KANK4: variants seen among roughly 807,000 people sequenced by gnomAD.
The protein encoded by KANK4 is KN motif and ankyrin repeat domains 4.
In KANK4, 50 loss-of-function variants were observed where a neutral mutation model predicts 80.8. The observed-to-expected ratio is 0.62, with a 90% CI of 0.49 to 0.78. The LOEUF is 0.78. Ranked by LOEUF, KANK4 falls within the 30% of genes least tolerant of loss-of-function variation. KANK4 has a pLI of 0.00. For synonymous variants in KANK4, 465 were observed against 506.9 expected (o/e 0.92, Z 1.11); for missense variants, 1,196 against 1,240.1 (o/e 0.96, Z 0.53).
chr1:62,300,277 C>A (rs1644401063), intron 1 of KANK4, among the ~76,000 whole-genome samples: 2 of 152,134 alleles, frequency 1.3e-5, no homozygotes, highest in Non-Finnish European at 2.9e-5. Context: ...CTTTTCTGTT[C>A]AAAGACCAGC....
rs565401467 is a variant in KANK4 at position 62,282,300 on chromosome 1, C to G, written c.-70-666G>C. Reference sequence around the variant, plus strand: ...TTGAGGTTTGACCATAAATTCTCCCCAAAGTTTTAATCCATTTCCAGGACT... The same window carrying G: ...TTGAGGTTTGACCATAAATTCTCCCGAAAGTTTTAATCCATTTCCAGGACT... On this transcript the variant is annotated intron_variant, in intron 1 of 9. Transcript: ENST00000371153. 2.8e-4 allele frequency among the ~76,000 whole-genome samples: 42 copies of G among 152,270 alleles called. No individual in the cohort carries two copies. The South Asian group carries it at 8.5e-3, about 31-fold the overall frequency.
At chr1:62,312,130 A>C (rs1333765319) in intron 1 of KANK4, among the ~76,000 whole-genome samples, 1 of 152,182 alleles carries the variant, frequency 6.6e-6, no homozygotes, top group East Asian at 1.9e-4. Flanking sequence ...AAATATAATT[A>C]ATAAAATTTT....
At position 62,252,387 on chromosome 1, in the gene KANK4, A is replaced by C. The variant is rs139787022; in HGVS notation, c.2682+680T>G. On this transcript the variant is annotated intron_variant, in intron 8 of 9. Coordinates refer to ENST00000371153, the MANE Select transcript of KANK4 (RefSeq NM_181712.5). Reference sequence around the variant, plus strand: ...GTGTGTCTGGAATAATACCACTCACAATTGTTGGTGCAGAGGTAAGGCAGA... The same window carrying C: ...GTGTGTCTGGAATAATACCACTCACCATTGTTGGTGCAGAGGTAAGGCAGA... Among the ~76,000 whole-genome samples, 1,084 of 152,346 alleles carry C rather than the reference A, an allele frequency of 7.1e-3. 6 individuals carry two copies. Among genetic ancestry groups the C allele is most frequent in the Non-Finnish European group, 0.011 (758 of 68,032 alleles).
intron 6 of KANK4, among the ~76,000 whole-genome samples, chr1:62,265,760 A>G (rs1672003083): frequency 6.6e-6 from 1 of 152,216 alleles, no homozygotes; most frequent in Non-Finnish European, 1.5e-5. Context: ...GTCTGTGCCA[A>G]TATCCCTTGA....
chr1:62,301,192 C>G (rs1644408971), intron 1 of KANK4, among the ~76,000 whole-genome samples: 1 of 152,078 alleles, frequency 6.6e-6, no homozygotes, highest in Non-Finnish European at 1.5e-5. Flanking sequence ...AGCACAAGAG[C>G]TGGACAGGCT....
intron 1 of KANK4, among the ~76,000 whole-genome samples, chr1:62,304,024 C>T (rs1210756138): frequency 6.6e-6 from 1 of 151,984 alleles, no homozygotes; most frequent in Non-Finnish European, 1.5e-5. Context: ...CAGGCACACA[C>T]CACCATGCCT....
At chr1:62,263,944 A>G (rs1032220354) in intron 6 of KANK4, among the ~76,000 whole-genome samples, 4 of 152,216 alleles carry the variant, frequency 2.6e-5, no homozygotes, top group Admixed American at 6.5e-5. Context: ...GGGACCATGA[A>G]CGAGAAGAGT....
rs1672032542 is a variant in KANK4 at position 62,266,775 on chromosome 1, C to T, written c.2276G>A (p.Ser759Asn). 1 of 1,613,242 alleles carries T rather than the reference C, an allele frequency of 6.2e-7. No individual in the cohort carries two copies. The highest frequency in any genetic ancestry group is 1.7e-5 in the Admixed American group (1 of 59,996). Residue 759 changes from serine to asparagine, a missense_variant, in exon 6 of 10, where the codon AGC becomes AAC. Transcript: ENST00000371153. Reference protein sequence around the residue: ...EEFLNACRALSQHLPETGTTT... With the variant: ...EEFLNACRALNQHLPETGTTT... ...GGTCCCAGTTTCTGGCAGATGCTGG[C>T]TCAGTGCCCGGCATGCATTAAGAAA...
At chr1:62,264,685 G>A (rs1671977573) in intron 6 of KANK4, among the ~76,000 whole-genome samples, 1 of 152,174 alleles carries the variant, frequency 6.6e-6, no homozygotes, top group Non-Finnish European at 1.5e-5. Flanking sequence ...TTCTAGAGCA[G>A]AATCAGTGGA....
At chr1:62,253,503 A>T (rs535293355) in intron 7 of KANK4, among the ~76,000 whole-genome samples, 49 of 134,786 alleles carry the variant, frequency 3.6e-4, no homozygotes, top group African/African-American at 1.2e-3. Flanking sequence ...TCCACCTCCC[A>T]GGTTCAAGCA....
intron 9 of KANK4, among the ~76,000 whole-genome samples, chr1:62,239,127 C>T (rs1397402600): frequency 6.6e-6 from 1 of 151,716 alleles, no homozygotes; most frequent in African/African-American, 2.4e-5. Flanking sequence ...GTCTTGAACT[C>T]CTGGGCTCAA....
At chr1:62,288,178 C>A (rs1672609571) in intron 1 of KANK4, among the ~76,000 whole-genome samples, 1 of 152,166 alleles carries the variant, frequency 6.6e-6, no homozygotes, top group Non-Finnish European at 1.5e-5. Context: ...CTGAACCAAA[C>A]ATGTTTATCC....
At position 62,247,476 on chromosome 1, in the gene KANK4, T is replaced by C. The variant is rs1470436113; in HGVS notation, c.2879A>G (p.Asp960Gly). 1.2e-6 allele frequency: 2 copies of C among 1,613,824 alleles called. No homozygotes were observed. Among genetic ancestry groups the C allele is most frequent in the Admixed American group, 3.3e-5 (2 of 60,012 alleles). ...AHPACDSSLTDKAGRTALSIA... is the reference protein window; with the variant it reads ...AHPACDSSLTGKAGRTALSIA... ...TTAATTGCCTGTAAGTCTCACCTTGTCAGTCAGGCTGCTGTCGCAGGCTGG... is the reference window on the plus strand; with the variant it reads ...TTAATTGCCTGTAAGTCTCACCTTGCCAGTCAGGCTGCTGTCGCAGGCTGG... Residue 960 changes from aspartate (D) to glycine (G), a missense_variant, in exon 9 of 10, where the codon GAC becomes GGC. Physicochemically the swap from Asp to Gly is moderately conservative, Grantham distance 94. Coordinates refer to ENST00000371153, the MANE Select transcript of KANK4 (RefSeq NM_181712.5).
At chr1:62,254,274 TC>T (rs1186135715) in intron 7 of KANK4, among the ~76,000 whole-genome samples, 1 of 152,216 alleles carries the variant, frequency 6.6e-6, no homozygotes, top group African/African-American at 2.4e-5. Context: ...TGAGACAAGG[TC>T]TCACTCTGTC....
rs1377650892 is a variant in KANK4 at position 62,319,357 on chromosome 1, G to A, written c.-322C>T. On this transcript the variant is annotated 5_prime_UTR_variant, in exon 1 of 10. Coordinates refer to ENST00000371153, the MANE Select transcript of KANK4 (RefSeq NM_181712.5). The stretch of plus-strand genomic sequence containing the variant: ...CACCCACCGCGGCGGATGCGGGACT[G>A]GCCAGGCGCCGCCAGCCGCGGCTTC... The A allele has an allele frequency of 2.0e-5, 3 of 151,962 alleles. No individual in the cohort carries two copies. The highest frequency in any genetic ancestry group is 1.3e-4 in the Admixed American group (2 of 15,256). The allele number at this position is 151,962 out of a possible 1,614,324, so 9.4% of individuals were successfully genotyped here.
At chr1:62,296,389 A>G (rs561241484) in intron 1 of KANK4, among the ~76,000 whole-genome samples, 5 of 152,168 alleles carry the variant, frequency 3.3e-5, no homozygotes, top group Admixed American at 2.6e-4. Context: ...GGGAATTCCA[A>G]TATTGGCTCC....
chr1:62,311,988 CG>C (rs1188889518), intron 1 of KANK4, among the ~76,000 whole-genome samples: 2 of 152,098 alleles, frequency 1.3e-5, no homozygotes, highest in East Asian at 3.9e-4. Context: ...GACTTCCTGT[CG>C]GGGGTCTTAA....
At chr1:62,281,445 T>A in intron 2 of KANK4, 104 bp downstream of exon 2, 1 of 1,361,348 alleles carries the variant, frequency 7.3e-7, no homozygotes, top group Non-Finnish European at 1.1e-6. Flanking sequence ...TTGAGGGATA[T>A]CTCCTGCAGG....
intron 5 of KANK4, among the ~76,000 whole-genome samples, chr1:62,267,121 G>T (rs1459148147): frequency 6.6e-6 from 1 of 152,084 alleles, no homozygotes; most frequent in African/African-American, 2.4e-5. Context: ...TGGTGGACAG[G>T]CCCACCTGCA....
Sources: gnomAD v4.1 joint callset for allele counts (sites outside exome capture counted in the v4.1 genomes callset) on GRCh38, gnomAD v4.1.1 for gene constraint, MANE v1.5 for transcripts, NCBI Gene and HGNC (gene_info 2026-07-23, HGNC 2026-07-21) for gene names.